CFAP95: variants seen among roughly 807,000 people sequenced by gnomAD.
CFAP95 encodes cilia and flagella associated protein 95.
chr9:69,902,944 A>G, the CFAP95 span, among the ~76,000 whole-genome samples: 1 of 152,104 alleles, frequency 6.6e-6, no homozygotes, highest in Non-Finnish European at 1.5e-5. Flanking sequence ...CTCTGATTCC[A>G]AGTACCTCAG....
the CFAP95 span, among the ~76,000 whole-genome samples, chr9:69,861,744 A>AC: frequency 2.0e-5 from 3 of 151,158 alleles, no homozygotes; most frequent in South Asian, 2.1e-4. Flanking sequence ...AAAAAAAAAA[A>AC]AAAAAAAAAC....
At chr9:69,857,861 C>T in the CFAP95 span, 3 of 1,555,274 alleles carry the variant, frequency 1.9e-6, no homozygotes, top group Non-Finnish European at 2.7e-6. Flanking sequence ...TGAAAGTTTA[C>T]ACATTACACT....
At chr9:69,860,032 CAG>C in the CFAP95 span, among the ~76,000 whole-genome samples, 1 of 152,170 alleles carries the variant, frequency 6.6e-6, no homozygotes, top group Non-Finnish European at 1.5e-5. Context: ...CATGAGTGAG[CAG>C]AGAGTCTATG....
At chr9:69,891,437 G>T in the CFAP95 span, among the ~76,000 whole-genome samples, 6 of 151,288 alleles carry the variant, frequency 4.0e-5, no homozygotes, top group African/African-American at 1.2e-4. Context: ...AGCAAACAAA[G>T]AAATATATTT....
At chr9:69,857,686 G>A in the CFAP95 span, among the ~76,000 whole-genome samples, 1 of 152,060 alleles carries the variant, frequency 6.6e-6, no homozygotes, top group African/African-American at 2.4e-5. Context: ...TGCCACGTCC[G>A]GCTAATTTTT....
At chr9:69,847,881 C>A in the CFAP95 span, among the ~76,000 whole-genome samples, 2 of 152,184 alleles carry the variant, frequency 1.3e-5, no homozygotes, top group African/African-American at 4.8e-5. Flanking sequence ...ATCGGACTTA[C>A]TTTTGTCTAC....
the CFAP95 span, among the ~76,000 whole-genome samples, chr9:69,825,748 C>T: frequency 2.0e-5 from 3 of 152,294 alleles, no homozygotes; most frequent in East Asian, 5.8e-4. Context: ...TTAACAAATT[C>T]TCTCATGTGA....
At chr9:69,877,997 T>C in the CFAP95 span, among the ~76,000 whole-genome samples, 1 of 152,202 alleles carries the variant, frequency 6.6e-6, no homozygotes, top group Non-Finnish European at 1.5e-5. Flanking sequence ...GCAGCAATCA[T>C]AGATAATTCT....
the CFAP95 span, among the ~76,000 whole-genome samples, chr9:69,830,340 C>T: frequency 6.6e-6 from 1 of 152,080 alleles, no homozygotes. Context: ...GAGGACGCAT[C>T]CAGGAGAAGG....
chr9:69,834,302 A>G, the CFAP95 span, among the ~76,000 whole-genome samples: 2 of 152,226 alleles, frequency 1.3e-5, no homozygotes, highest in African/African-American at 2.4e-5. Flanking sequence ...ACTCAGAAGT[A>G]TCCTAGGGTT....
the CFAP95 span, chr9:69,906,031 A>G: frequency 6.2e-7 from 1 of 1,613,456 alleles, no homozygotes. Context: ...ATGGTTCTAA[A>G]AGATTTGGCA....
the CFAP95 span, among the ~76,000 whole-genome samples, chr9:69,851,378 C>A: frequency 6.6e-6 from 1 of 152,030 alleles, no homozygotes; most frequent in Non-Finnish European, 1.5e-5. Context: ...CCTATTGGTC[C>A]CATTTCAATA....
the CFAP95 span, among the ~76,000 whole-genome samples, chr9:69,836,885 C>G: frequency 1.8e-3 from 260 of 147,710 alleles, 1 homozygote; most frequent in African/African-American, 6.0e-3. Context: ...CCCGCCTCCC[C>G]CCACCCCACA....
chr9:69,867,067 A>G, the CFAP95 span, among the ~76,000 whole-genome samples: 3 of 152,204 alleles, frequency 2.0e-5, no homozygotes, highest in Admixed American at 6.5e-5. Context: ...TAGCTGATGT[A>G]TGTTGAAGCC....
At chr9:69,856,650 A>G in the CFAP95 span, 3 of 1,611,374 alleles carry the variant, frequency 1.9e-6, no homozygotes, top group South Asian at 2.2e-5. Flanking sequence ...ATGAGGAAAC[A>G]GTGAGCTCCG....
chr9:69,827,735 C>T, the CFAP95 span, among the ~76,000 whole-genome samples: 1 of 152,154 alleles, frequency 6.6e-6, no homozygotes, highest in Non-Finnish European at 1.5e-5. Context: ...GTCTCTGCCT[C>T]CAGATTCGGT....
chr9:69,832,843 T>A, the CFAP95 span, among the ~76,000 whole-genome samples: 1 of 152,106 alleles, frequency 6.6e-6, no homozygotes, highest in East Asian at 1.9e-4. Context: ...TATCCCTCCC[T>A]ATTTGGACTT....
At chr9:69,827,272 T>C in the CFAP95 span, among the ~76,000 whole-genome samples, 1 of 152,346 alleles carries the variant, frequency 6.6e-6, no homozygotes, top group South Asian at 2.1e-4. Context: ...TAAGATGATG[T>C]AATAGTAGGC....
At chr9:69,901,556 A>G in the CFAP95 span, among the ~76,000 whole-genome samples, 11,101 of 151,152 alleles carry the variant, frequency 0.073, 504 homozygotes, top group Non-Finnish European at 0.085. Flanking sequence ...TCCACGGTGT[A>G]TATGCGCCAC....
Sources: gnomAD v4.1 joint callset for allele counts (sites outside exome capture counted in the v4.1 genomes callset) on GRCh38, gnomAD v4.1.1 for gene constraint, MANE v1.5 for transcripts, NCBI Gene and HGNC (gene_info 2026-07-23, HGNC 2026-07-21) for gene names.